PNPT1: variants seen among roughly 807,000 people sequenced by gnomAD.
The protein encoded by PNPT1 is polyribonucleotide nucleotidyltransferase 1, also known as polyribonucleotide nucleotidyltransferase 1, mitochondrial.
Under a neutral mutation model 119.5 loss-of-function variants are expected in PNPT1, and 53 were observed. The observed-to-expected ratio is 0.44, with a 90% confidence interval of 0.36 to 0.56. PNPT1 has a LOEUF of 0.56. PNPT1 is among the 20% of genes least tolerant of loss of function. PNPT1 has a pLI of 0.00. For synonymous variants in PNPT1, 357 were observed against 322.1 expected, an observed-to-expected ratio of 1.11 and a Z score of -1.16; for missense variants, 948 against 938.5, an observed-to-expected ratio of 1.01 and a Z score of -0.13.
In PNPT1 at chr2:55,639,777, C is replaced by G. The variant is rs72805485; in HGVS notation, c.2148+850G>C. On this transcript the variant is annotated intron_variant, in intron 26 of 27. Transcript: ENST00000447944. ...TTTGTAAGTTTATTTACTTTTTTGGCTTTGATATCATGTTGAGGAGTTCTC... is the reference window on the plus strand; with the variant it reads ...TTTGTAAGTTTATTTACTTTTTTGGGTTTGATATCATGTTGAGGAGTTCTC... Among the ~76,000 whole-genome samples the G allele has an allele frequency of 1.6e-3, 241 of 152,058 alleles. 2 individuals carry two copies. In the Middle Eastern group the frequency reaches 0.024, roughly 15 times the overall value.
Position 55,645,447 on chromosome 2 carries a change from C to G in PNPT1, c.1739-15G>C. On this transcript the variant is annotated splice_polypyrimidine_tract_variant and intron_variant, in intron 21 of 27. Coordinates refer to ENST00000447944, the MANE Select transcript of PNPT1 (RefSeq NM_033109.5). ...CTTTTTTGCCACTAGAAGAGAAAAA[C>G]ACAAAAATTATAACTACATAAAACA... The G allele has an allele frequency of 1.3e-6, 2 of 1,533,750 alleles. No homozygotes were observed. The highest frequency in any genetic ancestry group is 2.3e-5 in the South Asian group (2 of 88,662).
At chr2:55,643,254 A>G (rs1177618394) in intron 24 of PNPT1, 41 bp from the exon 25 acceptor site, 3 of 1,613,870 alleles carry the variant, frequency 1.9e-6, no homozygotes, top group Non-Finnish European at 2.5e-6. Context: ...TAAAGAAAAC[A>G]TCAACAAAAA....
Position 55,680,698 on chromosome 2 carries a change from A to C in PNPT1, c.565+14T>G. 1 of 1,607,072 alleles carries C rather than the reference A, an allele frequency of 6.2e-7. No homozygotes were observed. Among genetic ancestry groups the C allele is most frequent in the Non-Finnish European group, 8.5e-7 (1 of 1,176,756 alleles). ...AATACACATATGATTTCTTACTTTTAAATCCTAACTTACCAACAGGTCCAT... is the reference window on the plus strand; with the variant it reads ...AATACACATATGATTTCTTACTTTTCAATCCTAACTTACCAACAGGTCCAT... On this transcript the variant is annotated intron_variant, in intron 7 of 27. Coordinates refer to ENST00000447944, the MANE Select transcript of PNPT1 (RefSeq NM_033109.5).
At chr2:55,679,582 T>C in intron 8 of PNPT1, 100 bp downstream of exon 8, 2 of 800,746 alleles carry the variant, frequency 2.5e-6, no homozygotes, top group Non-Finnish European at 2.0e-6. Context: ...AAAATTTTTA[T>C]GGCTACCGAC....
At chr2:55,688,561 C>CA (rs1265370530) in intron 1 of PNPT1, among the ~76,000 whole-genome samples, 2 of 151,956 alleles carry the variant, frequency 1.3e-5, no homozygotes, top group African/African-American at 4.8e-5. Flanking sequence ...CCCATCTCTA[C>CA]AAAAAATATC....
intron 3 of PNPT1, 137 bp from the exon 4 acceptor site, chr2:55,685,185 G>A (rs1228958358): frequency 1.2e-5 from 7 of 577,358 alleles, no homozygotes; most frequent in Non-Finnish European, 1.9e-5. Flanking sequence ...TTAGCATTTT[G>A]TATCTTTTGG....
At chr2:55,674,287 T>C (rs1011987242) in intron 8 of PNPT1, among the ~76,000 whole-genome samples, 1 of 152,076 alleles carries the variant, frequency 6.6e-6, no homozygotes, top group Admixed American at 6.5e-5. Context: ...AGAAAATCAG[T>C]ATGCAAACTA....
chr2:55,684,213 C>T (rs952504312), intron 4 of PNPT1, among the ~76,000 whole-genome samples: 1 of 152,186 alleles, frequency 6.6e-6, no homozygotes, highest in Non-Finnish European at 1.5e-5. Context: ...CAATTTCTGG[C>T]CGAGCACAGT....
chr2:55,690,955 G>A (rs1484634176), intron 1 of PNPT1, among the ~76,000 whole-genome samples: 2 of 152,186 alleles, frequency 1.3e-5, no homozygotes, highest in African/African-American at 4.8e-5. Context: ...GTTTCATGAG[G>A]CAAATGTAAA....
intron 18 of PNPT1, among the ~76,000 whole-genome samples, chr2:55,650,598 C>T (rs1696145942): frequency 6.6e-6 from 1 of 152,144 alleles, no homozygotes; most frequent in Admixed American, 6.5e-5. Context: ...CTCTTCCCGG[C>T]CGCCATCCCA....
chr2:55,678,861 G>C (rs1697161991), intron 8 of PNPT1, among the ~76,000 whole-genome samples: 1 of 152,204 alleles, frequency 6.6e-6, no homozygotes, highest in East Asian at 1.9e-4. Flanking sequence ...ACCAGAAGAA[G>C]CTGGAAATGA....
At chr2:55,653,111 G>A (rs1321447224) in intron 18 of PNPT1, among the ~76,000 whole-genome samples, 1 of 152,186 alleles carries the variant, frequency 6.6e-6, no homozygotes, top group Non-Finnish European at 1.5e-5. Context: ...GGCTCCCAAA[G>A]TGCTGCAATT....
intron 1 of PNPT1, among the ~76,000 whole-genome samples, chr2:55,689,525 G>A (rs944378497): frequency 3.3e-5 from 5 of 152,126 alleles, no homozygotes; most frequent in Admixed American, 1.3e-4. Flanking sequence ...ATTATTCAGC[G>A]ATAAAAAGGA....
chr2:55,645,574 C>T (rs1477059769), intron 21 of PNPT1, 142 bp from the exon 22 acceptor site: 4 of 553,430 alleles, frequency 7.2e-6, no homozygotes, highest in African/African-American at 3.9e-5. Flanking sequence ...CTTGAAAATT[C>T]ACTCATATTC....
In PNPT1 at chr2:55,637,618, A is replaced by G. The variant is rs370060385; in HGVS notation, c.2149-19T>C. ...GTTTAATCTGGAAAAAAAAATGTTAATCTATTAGTTGTTGTGCATAATTAT... is the reference window on the plus strand; with the variant it reads ...GTTTAATCTGGAAAAAAAAATGTTAGTCTATTAGTTGTTGTGCATAATTAT... On this transcript the variant is annotated intron_variant, in intron 26 of 27. Coordinates refer to ENST00000447944, the MANE Select transcript of PNPT1 (RefSeq NM_033109.5). 180 of 1,577,490 alleles carry G rather than the reference A, an allele frequency of 1.1e-4. No homozygotes were observed. Among genetic ancestry groups the G allele is most frequent in the Non-Finnish European group, 1.4e-4 (156 of 1,147,114 alleles).
intron 18 of PNPT1, among the ~76,000 whole-genome samples, chr2:55,651,411 T>C (rs887953678): frequency 3.0e-4 from 46 of 151,984 alleles, no homozygotes; most frequent in African/African-American, 8.4e-4. Context: ...TGGGAGACTT[T>C]TCATTTTGTT....
At position 55,654,944 on chromosome 2, in the gene PNPT1, G is replaced by T; in HGVS notation, c.1451C>A (p.Ser484Tyr). The part of the protein sequence containing the change: ...SEVLESNGSS[S>Y]MASACGGSLA... The stretch of plus-strand genomic sequence containing the variant: ...ACTTCCGCCACATGCAGATGCCATA[G>T]AAGATGACCCTATAGAAAGAAAAAT... Residue 484 changes from serine to tyrosine, a missense_variant, in exon 18 of 28, where the codon TCT (serine) becomes TAT (tyrosine). Ser to Tyr is a moderately radical substitution (Grantham distance 144). Coordinates refer to ENST00000447944, the MANE Select transcript of PNPT1 (RefSeq NM_033109.5). 1.2e-6 allele frequency: 2 copies of T among 1,613,148 alleles called. No individual in the cohort carries two copies. Among genetic ancestry groups the T allele is most frequent in the Non-Finnish European group, 1.7e-6 (2 of 1,179,500 alleles).
chr2:55,672,087 G>C, intron 9 of PNPT1, 41 bp from the exon 10 acceptor site: 2 of 1,443,260 alleles, frequency 1.4e-6, no homozygotes, highest in Non-Finnish European at 1.9e-6. Context: ...ATAATATCTG[G>C]AAACAAGAGG....
rs532500568 is a variant in PNPT1 at position 55,637,603 on chromosome 2, GA to G, written c.2149-5del. 1.4e-4 allele frequency: 219 copies of G among 1,572,776 alleles called. No homozygotes were observed. The highest frequency in any genetic ancestry group is 2.2e-4 in the African/African-American group (16 of 73,262). ...CTAGGGCAGTAGGATGTTTAATCTG[GA>G]AAAAAAAATGTTAATCTATTAGTTG... is the stretch of plus-strand genomic sequence containing the variant. On this transcript the variant is annotated splice_region_variant and splice_polypyrimidine_tract_variant and intron_variant, in intron 26 of 27. Coordinates refer to ENST00000447944, the MANE Select transcript of PNPT1 (RefSeq NM_033109.5).
Sources: allele counts gnomAD v4.1 joint callset (sites outside exome capture counted in the v4.1 genomes callset), GRCh38; gene constraint gnomAD v4.1.1; transcripts MANE v1.5; gene names NCBI Gene and HGNC (gene_info 2026-07-23, HGNC 2026-07-21).